The following ESRRB variants were observed in gnomAD, a reference collection of about 807,000 sequenced individuals.
ESRRB encodes steroid hormone receptor ERR2.
Under a neutral mutation model 46.0 loss-of-function variants are expected in ESRRB, and 16 were observed. That is an observed-to-expected ratio of 0.35 (90% CI 0.24 to 0.53). ESRRB has a LOEUF of 0.53. ESRRB is among the 20% of genes least tolerant of loss of function. ESRRB has a pLI of 0.93. For missense variants in ESRRB, 488 were observed against 607.4 expected (o/e 0.80, Z 2.07); for synonymous variants, 246 against 259.6 (o/e 0.95, Z 0.50).
chr14:76,458,937 T>C (rs1415850118), intron 2 of ESRRB, among the ~76,000 whole-genome samples: 1 of 150,056 alleles, frequency 6.7e-6, no homozygotes, highest in Non-Finnish European at 1.5e-5. Context: ...CTCTGGCTCC[T>C]GGGTTCAAGC....
chr14:76,435,409 C>A (rs1015216968), intron 1 of ESRRB, among the ~76,000 whole-genome samples: 1 of 152,208 alleles, frequency 6.6e-6, no homozygotes, highest in Non-Finnish European at 1.5e-5. Context: ...AAAGTATGAG[C>A]GTCTTGAGAT....
chr14:76,352,196 C>T (rs750400298), intron 1 of ESRRB, among the ~76,000 whole-genome samples: 2 of 152,056 alleles, frequency 1.3e-5, no homozygotes, highest in African/African-American at 2.4e-5. Context: ...TGACTTTTTT[C>T]GTGTGTAAAA....
chr14:76,491,740 A>G, intron 6 of ESRRB, 24 bp downstream of exon 6: 1 of 1,557,766 alleles, frequency 6.4e-7, no homozygotes, highest in Admixed American at 2.0e-5. Flanking sequence ...CGGGGCCTGG[A>G]AGGGGAGCTT....
At chr14:76,318,176 G>A (rs541490487) in intron 1 of ESRRB, among the ~76,000 whole-genome samples, 4 of 152,230 alleles carry the variant, frequency 2.6e-5, no homozygotes, top group African/African-American at 9.6e-5. Flanking sequence ...CCCAGCAGTC[G>A]CACCTAGGCT....
chr14:76,469,704 C>T (rs1334880374), intron 3 of ESRRB, among the ~76,000 whole-genome samples: 1 of 152,084 alleles, frequency 6.6e-6, no homozygotes, highest in African/African-American at 2.4e-5. Context: ...AAAAAATCCA[C>T]AACTATATTT....
rs749598079 is a variant in ESRRB at position 76,482,782 on chromosome 14, GAGTGTGGCCAGGGACTCTC to G, written c.850+26_850+44del. ...CAGGTGAGCATGTGGGACCAGGGGAGAGTGTGGCCAGGGACTCTCAGCCGGTATCTCCGCAGCCTACCCA... is the reference window on the plus strand; with the variant it reads ...CAGGTGAGCATGTGGGACCAGGGGAGAGCCGGTATCTCCGCAGCCTACCCA... On this transcript the variant is annotated intron_variant, in intron 5 of 6. Coordinates refer to ENST00000644823, the MANE Select transcript of ESRRB (RefSeq NM_001379180.1). The surrounding 1 kb of genome is among the most constrained non-coding windows in gnomAD (Gnocchi z 4.3). The G allele has an allele frequency of 1.9e-6, 3 of 1,613,404 alleles. No individual in the cohort carries two copies. In the East Asian group the frequency reaches 6.7e-5, roughly 36 times the overall value.
At chr14:76,418,036 A>T (rs1319864202) in intron 1 of ESRRB, among the ~76,000 whole-genome samples, 3 of 147,892 alleles carry the variant, frequency 2.0e-5, no homozygotes, top group Non-Finnish European at 4.5e-5. Flanking sequence ...GCCCACTGCA[A>T]CCTCTGCCTC....
intron 2 of ESRRB, among the ~76,000 whole-genome samples, chr14:76,451,789 ATTTTTT>A (rs111716273): frequency 1.6e-5 from 2 of 122,764 alleles, no homozygotes; most frequent in South Asian, 2.7e-4. Flanking sequence ...TGCCCAGCTA[ATTTTTT>A]TTTTTTTTTT....
At chr14:76,427,077 C>G (rs1887235018) in intron 1 of ESRRB, among the ~76,000 whole-genome samples, 1 of 152,176 alleles carries the variant, frequency 6.6e-6, no homozygotes, top group Admixed American at 6.5e-5. Flanking sequence ...GGACTCTCTG[C>G]CTCAACCGTT....
chr14:76,489,953 C>T (rs1474490270), intron 5 of ESRRB, among the ~76,000 whole-genome samples: 1 of 152,238 alleles, frequency 6.6e-6, no homozygotes, highest in Admixed American at 6.5e-5. Flanking sequence ...AGCACCCTAG[C>T]ATGTTGAGTG....
At chr14:76,435,826 G>A (rs1021429002) in intron 1 of ESRRB, among the ~76,000 whole-genome samples, 1 of 152,154 alleles carries the variant, frequency 6.6e-6, no homozygotes, top group Non-Finnish European at 1.5e-5. Context: ...GTGAGACTCC[G>A]TCTCAAAAAC....
At chr14:76,490,476 C>G (rs1033042310) in intron 5 of ESRRB, among the ~76,000 whole-genome samples, 2 of 152,168 alleles carry the variant, frequency 1.3e-5, no homozygotes, top group African/African-American at 4.8e-5. Context: ...GAATCATCGT[C>G]TCATTTAGAC....
At chr14:76,457,069 C>T (rs1888645069) in intron 2 of ESRRB, among the ~76,000 whole-genome samples, 1 of 152,134 alleles carries the variant, frequency 6.6e-6, no homozygotes, top group Non-Finnish European at 1.5e-5. Flanking sequence ...CTGCCCTGCT[C>T]TCTGCAGCTG....
intron 1 of ESRRB, among the ~76,000 whole-genome samples, chr14:76,343,013 A>G (rs1255410411): frequency 1.3e-5 from 2 of 152,246 alleles, no homozygotes; most frequent in Admixed American, 1.3e-4. Flanking sequence ...GGGGAGATGA[A>G]GGGATCCAGA....
intron 1 of ESRRB, among the ~76,000 whole-genome samples, chr14:76,401,614 A>G (rs775727519): frequency 6.6e-6 from 1 of 152,206 alleles, no homozygotes; most frequent in Non-Finnish European, 1.5e-5. Flanking sequence ...TTGTATAGAT[A>G]TACACATACC....
intron 1 of ESRRB, among the ~76,000 whole-genome samples, chr14:76,377,677 C>G (rs1161389207): frequency 1.3e-5 from 2 of 152,160 alleles, no homozygotes; most frequent in Admixed American, 6.5e-5. Context: ...CCCCTCCCCC[C>G]AAGAACCACG....
intron 1 of ESRRB, among the ~76,000 whole-genome samples, chr14:76,434,167 G>T (rs1024337730): frequency 5.9e-5 from 9 of 152,126 alleles, no homozygotes; most frequent in Non-Finnish European, 1.0e-4. Flanking sequence ...TCATTCGAAT[G>T]AATGAACACA....
At chr14:76,347,085 C>T (rs190379489) in intron 1 of ESRRB, among the ~76,000 whole-genome samples, 4 of 152,236 alleles carry the variant, frequency 2.6e-5, no homozygotes, top group Admixed American at 2.6e-4. Context: ...TTGTCCCTTA[C>T]CCTGGCCTCT....
At chr14:76,442,806 T>C (rs1259074204) in intron 2 of ESRRB, among the ~76,000 whole-genome samples, 1 of 148,384 alleles carries the variant, frequency 6.7e-6, no homozygotes, top group Non-Finnish European at 1.5e-5. Context: ...TTTTTTCTTT[T>C]CTTTTTTTTC....
Sources: gnomAD v4.1 joint callset for allele counts (sites outside exome capture counted in the v4.1 genomes callset) on GRCh38, gnomAD v4.1.1 for gene constraint, Gnocchi (gnomAD v3.1) non-coding constraint, MANE v1.5 for transcripts, NCBI Gene and HGNC (gene_info 2026-07-23, HGNC 2026-07-21) for gene names.